DBT: variants seen among roughly 807,000 people sequenced by gnomAD.
DBT encodes dihydrolipoamide branched chain transacylase E2.
A neutral mutation model predicts 51.3 loss-of-function variants in DBT; 40 were observed. The observed-to-expected ratio is 0.78, with a 90% CI of 0.61 to 1.02. The LOEUF is 1.02. Ranked by LOEUF, DBT falls within the 50% of genes least tolerant of loss-of-function variation. The pLI is 0.00. For missense variants in DBT, 510 were observed against 580.2 expected, an observed-to-expected ratio of 0.88 and a Z score of 1.24; for synonymous variants, 181 against 190.4, an observed-to-expected ratio of 0.95 and a Z score of 0.41.
chr1:100,246,881 G>A (rs183294872), intron 1 of DBT, among the ~76,000 whole-genome samples: 1 of 152,340 alleles, frequency 6.6e-6, no homozygotes, highest in African/African-American at 2.4e-5. Flanking sequence ...GTTGAAGTAA[G>A]ACCTGACGGA....
In DBT at chr1:100,219,651, G is replaced by C. The variant is rs568836464; in HGVS notation, c.434-904C>G. 1.8e-4 allele frequency among the ~76,000 whole-genome samples: 28 copies of C among 152,060 alleles called. No individual in the cohort carries two copies. The South Asian group carries it at 3.5e-3, about 19-fold the overall frequency. Reference sequence around the variant, plus strand: ...TGGTCCAAGCTACACAGGAAGCTGAGGCGGGGAGAATCACTTAAACCCAGG... The same window carrying C: ...TGGTCCAAGCTACACAGGAAGCTGACGCGGGGAGAATCACTTAAACCCAGG... On this transcript the variant is annotated intron_variant, in intron 4 of 10. Transcript: ENST00000370132.
intron 3 of DBT, among the ~76,000 whole-genome samples, chr1:100,234,726 C>G (rs1424903496): frequency 6.6e-6 from 1 of 152,130 alleles, no homozygotes. Context: ...TCCATAATCC[C>G]ACAGTGCCAC....
At chr1:100,207,411 A>T in intron 8 of DBT, among the ~76,000 whole-genome samples, 1 of 152,352 alleles carries the variant, frequency 6.6e-6, no homozygotes, top group East Asian at 1.9e-4. Context: ...TATATAATAA[A>T]AAGTATATTC....
chr1:100,234,844 C>A (rs1400338970), intron 3 of DBT, among the ~76,000 whole-genome samples: 1 of 152,128 alleles, frequency 6.6e-6, no homozygotes, highest in African/African-American at 2.4e-5. Flanking sequence ...GAACCAGATT[C>A]TTAAAAGGAT....
chr1:100,203,161 G>A (rs1557942515), intron 10 of DBT, among the ~76,000 whole-genome samples: 4 of 152,094 alleles, frequency 2.6e-5, no homozygotes, highest in Admixed American at 2.6e-4. Flanking sequence ...GAATCCAGGA[G>A]CCGGTTTTTT....
intron 6 of DBT, among the ~76,000 whole-genome samples, chr1:100,215,447 C>T (rs1036454455): frequency 7.9e-5 from 12 of 152,106 alleles, no homozygotes; most frequent in African/African-American, 2.9e-4. Flanking sequence ...TTCAAGAAAC[C>T]TGCTAACGTA....
chr1:100,240,893 G>T lies in DBT; in HGVS notation c.52-9C>A. ...AAATAGCGAACACAAATCTACAGAT[G>T]AGAAAACAAAAAGTAAAAGCATTTA... On this transcript the variant is annotated splice_polypyrimidine_tract_variant and intron_variant, in intron 1 of 10. Transcript: ENST00000370132. The T allele has an allele frequency of 1.2e-6, 2 of 1,612,494 alleles. No homozygotes were observed. Among genetic ancestry groups the T allele is most frequent in the South Asian group, 1.1e-5 (1 of 90,858 alleles).
chr1:100,232,562 G>A (rs1353888975), intron 3 of DBT, among the ~76,000 whole-genome samples: 2 of 152,118 alleles, frequency 1.3e-5, no homozygotes, highest in Non-Finnish European at 2.9e-5. Context: ...GCTTTATGAT[G>A]TTTAAAAATG....
At chr1:100,201,465 G>C (rs184721034) in intron 10 of DBT, among the ~76,000 whole-genome samples, 6 of 152,272 alleles carry the variant, frequency 3.9e-5, no homozygotes, top group African/African-American at 1.4e-4. Context: ...ATGGAAACAA[G>C]TTGGAAAACA....
chr1:100,200,878 C>T (rs1227011805), intron 10 of DBT, among the ~76,000 whole-genome samples: 3 of 152,120 alleles, frequency 2.0e-5, no homozygotes, highest in Admixed American at 6.5e-5. Context: ...ACAAAAAGGA[C>T]GACCATGCAA....
chr1:100,234,239 T>G (rs1173122126), intron 3 of DBT, among the ~76,000 whole-genome samples: 1 of 152,186 alleles, frequency 6.6e-6, no homozygotes, highest in African/African-American at 2.4e-5. Context: ...TTTTAGAATT[T>G]TATTAGGAAT....
chr1:100,209,492 G>A (rs770673658), intron 8 of DBT, among the ~76,000 whole-genome samples: 15 of 152,058 alleles, frequency 9.9e-5, no homozygotes, highest in Non-Finnish European at 1.5e-4. Context: ...TGTATTAACC[G>A]TATGGGAGCT....
At chr1:100,226,152 T>A (rs1040723100) in intron 4 of DBT, among the ~76,000 whole-genome samples, 1 of 152,056 alleles carries the variant, frequency 6.6e-6, no homozygotes, top group Non-Finnish European at 1.5e-5. Context: ...GAATCCTTAC[T>A]TGTCAGTTTA....
intron 3 of DBT, among the ~76,000 whole-genome samples, chr1:100,234,112 CTACTT>C (rs1162908119): frequency 2.0e-5 from 3 of 152,062 alleles, no homozygotes; most frequent in African/African-American, 7.2e-5. Context: ...AGAGGAACCT[CTACTT>C]TACTTTTTAC....
intron 6 of DBT, among the ~76,000 whole-genome samples, chr1:100,215,390 T>C (rs960647029): frequency 2.6e-5 from 4 of 152,226 alleles, no homozygotes; most frequent in African/African-American, 9.6e-5. Context: ...GTTTAAAATG[T>C]CCTGTGTGTC....
At chr1:100,238,679 G>A (rs1570844737) in intron 2 of DBT, among the ~76,000 whole-genome samples, 1 of 152,044 alleles carries the variant, frequency 6.6e-6, no homozygotes, top group Middle Eastern at 3.4e-3. Context: ...AAAATTTTTT[G>A]TAGAGGCAGG....
chr1:100,233,940 G>C (rs1663704271), intron 3 of DBT, among the ~76,000 whole-genome samples: 1 of 152,190 alleles, frequency 6.6e-6, no homozygotes, highest in Non-Finnish European at 1.5e-5. Flanking sequence ...AAGCCTGCCA[G>C]GGCAAATTTT....
chr1:100,226,392 T>C (rs1209222839), intron 4 of DBT, among the ~76,000 whole-genome samples: 1 of 150,598 alleles, frequency 6.6e-6, no homozygotes, highest in East Asian at 2.0e-4. Context: ...CAAGTGATCC[T>C]CTCACCTCAG....
At chr1:100,205,604 A>G (rs980537081) in intron 10 of DBT, among the ~76,000 whole-genome samples, 1 of 152,220 alleles carries the variant, frequency 6.6e-6, no homozygotes, top group Admixed American at 6.5e-5. Flanking sequence ...TACTGAGTAT[A>G]TACCCAAAGG....
Sources: allele counts gnomAD v4.1 joint callset (sites outside exome capture counted in the v4.1 genomes callset), GRCh38; gene constraint gnomAD v4.1.1; transcripts MANE v1.5; gene names NCBI Gene and HGNC (gene_info 2026-07-23, HGNC 2026-07-21).